KALRN: variants seen among roughly 807,000 people sequenced by gnomAD.
KALRN encodes the protein kalirin.
KALRN carries 70 observed loss-of-function variants against 353.7 expected under a neutral mutation model. That is an observed-to-expected ratio of 0.20 (90% CI 0.16 to 0.24). The LOEUF (loss-of-function observed/expected upper bound fraction) is 0.24, where lower values mean the gene tolerates loss of function less well. Ranked by LOEUF, KALRN falls within the 10% of genes least tolerant of loss-of-function variation. The pLI is 1.00. For synonymous variants in KALRN, 1,391 were observed against 1,434.8 expected (o/e 0.97, Z 0.69); for missense variants, 2,791 against 3,756.7 (o/e 0.74, Z 6.72).
intron 1 of KALRN, among the ~76,000 whole-genome samples, chr3:124,160,501 GA>G (rs1038330915): frequency 6.6e-6 from 1 of 152,164 alleles, no homozygotes; most frequent in Non-Finnish European, 1.5e-5. Context: ...TGAGTGAAAA[GA>G]GAAGAGAAGG....
intron 14 of KALRN, among the ~76,000 whole-genome samples, chr3:124,420,364 A>G (rs1331373472): frequency 6.6e-6 from 1 of 152,264 alleles, no homozygotes; most frequent in Non-Finnish European, 1.5e-5. Context: ...TACAGAATGA[A>G]TATGAGCTAC....
intron 6 of KALRN, among the ~76,000 whole-genome samples, chr3:124,308,833 A>G (rs1347033930): frequency 6.6e-6 from 1 of 151,970 alleles, no homozygotes; most frequent in Non-Finnish European, 1.5e-5. Context: ...GAAATTAACT[A>G]GAGAATAGGA....
At chr3:124,035,486 A>C (rs537410438) in intron 1 of KALRN, among the ~76,000 whole-genome samples, 1 of 152,230 alleles carries the variant, frequency 6.6e-6, no homozygotes, top group Non-Finnish European at 1.5e-5. Flanking sequence ...AAAATCTTGA[A>C]GTGTGAGCCT....
At chr3:124,482,743 C>T (rs1271911632) in intron 27 of KALRN, 65 bp from the exon 28 acceptor site, 3 of 1,075,782 alleles carry the variant, frequency 2.8e-6, no homozygotes, top group Non-Finnish European at 4.4e-6. Flanking sequence ...CCTTTCTCCT[C>T]TCAGAGTTCA....
intron 51 of KALRN, among the ~76,000 whole-genome samples, chr3:124,682,770 T>G (rs377089697): frequency 1.1e-4 from 17 of 152,066 alleles, no homozygotes; most frequent in African/African-American, 4.1e-4. Context: ...ATCCTAGGAG[T>G]CAGATTTACA....
chr3:124,228,108 T>TTGTG, intron 2 of KALRN, 44 bp downstream of exon 2: 1 of 1,467,506 alleles, frequency 6.8e-7, no homozygotes, highest in Non-Finnish European at 9.6e-7. Context: ...CCTAGAGAAG[T>TTGTG]TGTGTGTGTG....
At chr3:124,099,597 G>GTA (rs2061697123) in intron 1 of KALRN, among the ~76,000 whole-genome samples, 1 of 152,138 alleles carries the variant, frequency 6.6e-6, no homozygotes, top group African/African-American at 2.4e-5. Context: ...TTGCTGGATT[G>GTA]TATAGTAGTT....
chr3:124,293,583 GAAAAAAA>G (rs933680621), intron 5 of KALRN, among the ~76,000 whole-genome samples: 1 of 147,844 alleles, frequency 6.8e-6, no homozygotes, highest in South Asian at 2.1e-4. Context: ...TTAGCCAGCA[GAAAAAAA>G]AATTACTTAG....
chr3:124,487,160 G>A (rs193276154), intron 28 of KALRN, among the ~76,000 whole-genome samples: 224 of 152,280 alleles, frequency 1.5e-3, no homozygotes, highest in Non-Finnish European at 2.5e-3. Flanking sequence ...CCTTCTCAGT[G>A]TCAAAGGGAG....
At chr3:124,662,258 G>A (rs953046252) in intron 45 of KALRN, among the ~76,000 whole-genome samples, 6 of 143,318 alleles carry the variant, frequency 4.2e-5, no homozygotes, top group Non-Finnish European at 7.5e-5. Flanking sequence ...CTGGAGTGCA[G>A]AGTGGTGCAA....
At chr3:124,154,841 T>C (rs1326124166) in intron 1 of KALRN, among the ~76,000 whole-genome samples, 7 of 152,206 alleles carry the variant, frequency 4.6e-5, no homozygotes, top group Admixed American at 1.3e-4. Flanking sequence ...GGAGGCATCA[T>C]GCTACCTGAC....
chr3:124,401,057 G>A (rs1052437212), intron 13 of KALRN, among the ~76,000 whole-genome samples: 2 of 152,168 alleles, frequency 1.3e-5, no homozygotes, highest in African/African-American at 4.8e-5. Context: ...CATCGCAAGT[G>A]TGTCTTTACT....
intron 21 of KALRN, 120 bp downstream of exon 21, chr3:124,447,005 G>A (rs938321943): frequency 3.5e-6 from 4 of 1,137,082 alleles, no homozygotes; most frequent in Non-Finnish European, 5.0e-6. Flanking sequence ...AGTGGCAAGG[G>A]GGGAAGCATG....
chr3:124,326,141 G>A lies in KALRN; in HGVS notation c.1254G>A (p.Met418Ile). 6.2e-7 allele frequency: 1 copy of A among 1,612,944 alleles called. No homozygotes were observed. Among genetic ancestry groups the A allele is most frequent in the Non-Finnish European group, 8.5e-7 (1 of 1,179,454 alleles). Residue 418 changes from methionine to isoleucine, a missense_variant, in exon 7 of 60, where the codon ATG (methionine) becomes ATA (isoleucine). Physicochemically the swap from Met to Ile is conservative, Grantham distance 10. Transcript: ENST00000682506. ...ATGAACGCAGCACCATCCTCGCCATGTCTGCTGTGTTCCACCAGAAGGCTG... is the reference window on the plus strand; with the variant it reads ...ATGAACGCAGCACCATCCTCGCCATATCTGCTGTGTTCCACCAGAAGGCTG... ...ALDERSTILA[M>I]SAVFHQKAEQ...
intron 3 of KALRN, among the ~76,000 whole-genome samples, chr3:124,256,208 A>G (rs866802057): frequency 6.6e-6 from 1 of 152,332 alleles, no homozygotes; most frequent in African/African-American, 2.4e-5. Flanking sequence ...TGTCTCCCTA[A>G]GGCCAAACTG....
Position 124,658,501 on chromosome 3 carries a change from A to G in KALRN, c.6107A>G (p.Tyr2036Cys). The G allele has an allele frequency of 6.2e-7, 1 of 1,613,994 alleles. No homozygotes were observed. Residue 2036 changes from tyrosine to cysteine, a missense_variant, in exon 42 of 60, where the codon TAT (tyrosine) becomes TGT (cysteine). By Grantham distance (194) the Tyr-to-Cys change is radical. Around this residue, in one of 11 missense-constraint regions of KALRN, gnomAD observed 1,065 missense variants for 1,156.4 expected, o/e 0.92. Coordinates refer to ENST00000682506, the MANE Select transcript of KALRN (RefSeq NM_001388419.1). ...KPRSEYIVAE[Y>C]DAYFEEVKQE... ...CGCTCAGAGTACATCGTTGCTGAGT[A>G]TGACGCCTACTTTGAGGTAAGCTGT...
At chr3:124,075,880 GCTGT>G (rs2060235426) in intron 1 of KALRN, among the ~76,000 whole-genome samples, 1 of 152,210 alleles carries the variant, frequency 6.6e-6, no homozygotes, top group African/African-American at 2.4e-5. Flanking sequence ...AGCTGAGCAT[GCTGT>G]CTGAGTCAGG....
At chr3:124,167,847 A>C (rs2071115088) in intron 1 of KALRN, among the ~76,000 whole-genome samples, 1 of 152,246 alleles carries the variant, frequency 6.6e-6, no homozygotes, top group Non-Finnish European at 1.5e-5. Context: ...TCAAGTGATC[A>C]AAATGCACAC....
At chr3:124,505,672 T>G (rs777349654) in intron 33 of KALRN, among the ~76,000 whole-genome samples, 1 of 152,142 alleles carries the variant, frequency 6.6e-6, no homozygotes, top group Admixed American at 6.5e-5. Context: ...AGCGAAAATT[T>G]GCTAGACAAG....
Sources: gnomAD v4.1 joint callset for allele counts (sites outside exome capture counted in the v4.1 genomes callset) on GRCh38, gnomAD v4.1.1 for gene constraint, gnomAD v4.1.1 regional missense constraint, MANE v1.5 for transcripts, NCBI Gene and HGNC (gene_info 2026-07-23, HGNC 2026-07-21) for gene names.